ACTR10: variants seen among roughly 807,000 people sequenced by gnomAD.
ACTR10 encodes the protein actin-related protein 10.
ACTR10 carries 43 observed loss-of-function variants against 56.2 expected under a neutral mutation model. The observed-to-expected ratio is 0.77, with a 90% CI of 0.60 to 0.99. The LOEUF (loss-of-function observed/expected upper bound fraction) is 0.99, where lower values mean the gene tolerates loss of function less well. Ranked by LOEUF, ACTR10 falls within the 50% of genes least tolerant of loss-of-function variation. ACTR10 has a pLI of 0.00. For synonymous variants in ACTR10, 170 were observed against 176.3 expected (o/e 0.96, Z 0.28); for missense variants, 466 against 507.8 (o/e 0.92, Z 0.79).
rs758918647 is a variant in ACTR10 at position 58,202,945 on chromosome 14, T to A, written c.150+18T>A. ...TGCCTAAGGTATTTAAAAAAAAATA[T>A]TAGCAAAATAAATGCCATACTATAA... On this transcript the variant is annotated intron_variant, in intron 2 of 12. Transcript: ENST00000254286. 19 of 1,431,950 alleles carry A rather than the reference T, an allele frequency of 1.3e-5. No homozygotes were observed. The highest frequency in any genetic ancestry group is 1.8e-5 in the Admixed American group (1 of 54,590). The allele number at this position is 1,431,950 out of a possible 1,614,324, so 88.7% of individuals were successfully genotyped here.
At chr14:58,204,597 C>T (rs1888811734) in intron 2 of ACTR10, among the ~76,000 whole-genome samples, 1 of 152,072 alleles carries the variant, frequency 6.6e-6, no homozygotes, top group South Asian at 2.1e-4. Context: ...AAATGTTAGC[C>T]AGTGGGTTCT....
At chr14:58,231,590 C>CTTT (rs1242084027) in intron 11 of ACTR10, among the ~76,000 whole-genome samples, 1 of 152,190 alleles carries the variant, frequency 6.6e-6, no homozygotes, top group Non-Finnish European at 1.5e-5. Flanking sequence ...ATCGCTAACT[C>CTTT]TTAAAGAGAA....
intron 12 of ACTR10, among the ~76,000 whole-genome samples, chr14:58,233,356 T>G (rs1173878645): frequency 6.6e-6 from 1 of 152,178 alleles, no homozygotes; most frequent in East Asian, 1.9e-4. Flanking sequence ...AACATGGGTT[T>G]GAATTATGTG....
intron 4 of ACTR10, among the ~76,000 whole-genome samples, chr14:58,210,679 C>CTTT (rs200887449): frequency 7.1e-6 from 1 of 139,934 alleles, no homozygotes; most frequent in Non-Finnish European, 1.5e-5. Flanking sequence ...TTCTTTTTTT[C>CTTT]TTTTTTTTTT....
intron 4 of ACTR10, among the ~76,000 whole-genome samples, chr14:58,210,679 C>CTT (rs200887449): frequency 6.4e-4 from 90 of 139,916 alleles, no homozygotes; most frequent in Non-Finnish European, 1.0e-3. Context: ...TTCTTTTTTT[C>CTT]TTTTTTTTTT....
intron 11 of ACTR10, 77 bp from the exon 12 acceptor site, chr14:58,231,989 G>A: frequency 1.2e-6 from 1 of 854,028 alleles, no homozygotes; most frequent in Non-Finnish European, 1.8e-6. Flanking sequence ...GTATATTTAT[G>A]TATATTTTCT....
rs1427871232 is a variant in ACTR10 at position 58,224,487 on chromosome 14, TC to T, written c.788+633del. Among the ~76,000 whole-genome samples, 3 of 152,150 alleles carry T rather than the reference TC, an allele frequency of 2.0e-5. No homozygotes were observed. The East Asian group carries it at 5.9e-4, about 30-fold the overall frequency. ...GTCTCGAACTCCTGACCTCAGGTGA[TC>T]CACCCGCCTTGGCCTCCCAAAGTGC... is the stretch of plus-strand genomic sequence containing the variant. On this transcript the variant is annotated intron_variant, in intron 10 of 12. Coordinates refer to ENST00000254286, the MANE Select transcript of ACTR10 (RefSeq NM_018477.3).
At chr14:58,206,491 A>C (rs1888867251) in intron 2 of ACTR10, among the ~76,000 whole-genome samples, 1 of 152,092 alleles carries the variant, frequency 6.6e-6, no homozygotes, top group Admixed American at 6.6e-5. Context: ...ACGAGTTTTT[A>C]TCTTCATTTG....
intron 6 of ACTR10, among the ~76,000 whole-genome samples, chr14:58,214,139 T>C (rs1889071713): frequency 6.6e-6 from 1 of 152,176 alleles, no homozygotes; most frequent in African/African-American, 2.4e-5. Context: ...TACCCATTAA[T>C]TATCCTCACC....
chr14:58,204,886 A>T (rs892492074), intron 2 of ACTR10, among the ~76,000 whole-genome samples: 50 of 152,128 alleles, frequency 3.3e-4, no homozygotes, highest in African/African-American at 1.1e-3. Context: ...CATTTTTCTG[A>T]CATTATTTCC....
At chr14:58,234,119 T>C (rs1044163178) in intron 12 of ACTR10, among the ~76,000 whole-genome samples, 1 of 152,246 alleles carries the variant, frequency 6.6e-6, no homozygotes, top group African/African-American at 2.4e-5. Flanking sequence ...AATGCAATAA[T>C]ACTTGTTATC....
At chr14:58,209,261 T>C in intron 4 of ACTR10, 154 bp downstream of exon 4, 1 of 519,422 alleles carries the variant, frequency 1.9e-6, no homozygotes. Flanking sequence ...TTGTCTCATA[T>C]TGTGTATGGC....
chr14:58,214,682 A>G (rs1242762636), intron 6 of ACTR10, among the ~76,000 whole-genome samples: 2 of 151,152 alleles, frequency 1.3e-5, no homozygotes, highest in Non-Finnish European at 3.0e-5. Context: ...GTAGAGATAG[A>G]GTTTTGCCAT....
At chr14:58,219,186 TG>T (rs1210881054) in intron 7 of ACTR10, among the ~76,000 whole-genome samples, 1 of 152,200 alleles carries the variant, frequency 6.6e-6, no homozygotes, top group Admixed American at 6.5e-5. Flanking sequence ...GACAGATTTT[TG>T]GCAACAAAAT....
chr14:58,221,282 A>G (rs1345787538), intron 8 of ACTR10, among the ~76,000 whole-genome samples: 1 of 40,916 alleles, frequency 2.4e-5, no homozygotes. Flanking sequence ...ACTCTGTCTA[A>G]AAAAAAAAAA....
chr14:58,213,432 T>C, intron 5 of ACTR10, 199 bp from the exon 6 acceptor site: 2 of 456,628 alleles, frequency 4.4e-6, no homozygotes, highest in Non-Finnish European at 7.8e-6. Context: ...CATGTGCTTA[T>C]GTGTATTTTT....
chr14:58,221,467 C>A (rs1345324368), intron 8 of ACTR10, among the ~76,000 whole-genome samples: 1 of 151,874 alleles, frequency 6.6e-6, no homozygotes, highest in African/African-American at 2.4e-5. Flanking sequence ...GTGGTACAGA[C>A]CTATAGTCCC....
chr14:58,203,618 T>C (rs1349156430), intron 2 of ACTR10, among the ~76,000 whole-genome samples: 1 of 152,176 alleles, frequency 6.6e-6, no homozygotes, highest in Non-Finnish European at 1.5e-5. Context: ...GAGAAAAATT[T>C]TAACTTCAGT....
intron 1 of ACTR10, 80 bp downstream of exon 1, chr14:58,200,374 T>A (rs1888676569): frequency 8.3e-7 from 1 of 1,212,090 alleles, no homozygotes; most frequent in Non-Finnish European, 1.1e-6. Context: ...TGGGTCCTCA[T>A]CGCCGACTCG....
Sources: gnomAD v4.1 joint callset for allele counts (sites outside exome capture counted in the v4.1 genomes callset) on GRCh38, gnomAD v4.1.1 for gene constraint, MANE v1.5 for transcripts, NCBI Gene and HGNC (gene_info 2026-07-23, HGNC 2026-07-21) for gene names.